The following RORA variants were observed in gnomAD, a reference collection of about 807,000 sequenced individuals.
RORA encodes the protein nuclear receptor ROR-alpha.
RORA carries 7 observed loss-of-function variants against 69.5 expected under a neutral mutation model. The ratio of observed to expected loss-of-function variants is 0.10; its 90% CI spans 0.06 to 0.19. The LOEUF is 0.19. Ranked by LOEUF, RORA falls within the 10% of genes least tolerant of loss-of-function variation. The pLI is 1.00. For synonymous variants in RORA, 261 were observed against 240.8 expected (o/e 1.08, Z -0.78); for missense variants, 457 against 663.0 (o/e 0.69, Z 3.41).
chr15:61,002,321 C>T (rs1894769648), intron 1 of RORA, among the ~76,000 whole-genome samples: 1 of 152,168 alleles, frequency 6.6e-6, no homozygotes, highest in Non-Finnish European at 1.5e-5. Flanking sequence ...ATAAAGCTAC[C>T]TCTGAGTAAC....
intron 1 of RORA, among the ~76,000 whole-genome samples, chr15:60,953,701 T>C (rs2140336381): frequency 6.6e-6 from 1 of 151,498 alleles, no homozygotes; most frequent in Non-Finnish European, 1.5e-5. Context: ...ATGCTCATCA[T>C]CACTGGCCAT....
At chr15:61,089,239 A>T (rs1222203692) in intron 1 of RORA, among the ~76,000 whole-genome samples, 3 of 152,246 alleles carry the variant, frequency 2.0e-5, no homozygotes. Context: ...AGTGAATATG[A>T]GTAAATCCCC....
rs117950329 is a variant in RORA at position 60,890,402 on chromosome 15, A to C, written c.167-211716T>G. On this transcript the variant is annotated intron_variant, in intron 1 of 10. Transcript: ENST00000335670. ...AAATTTTAAATAAGGAAGAAATTGC[A>C]TGCTTGCCATCAAGAGGTGTACCGC... 3.0e-4 allele frequency among the ~76,000 whole-genome samples: 45 copies of C among 152,374 alleles called. 1 individual carries two copies. In the East Asian group the frequency reaches 8.3e-3, roughly 28 times the overall value.
intron 1 of RORA, among the ~76,000 whole-genome samples, chr15:60,707,672 C>T (rs2140803713): frequency 6.6e-6 from 1 of 152,264 alleles, no homozygotes; most frequent in East Asian, 1.9e-4. Context: ...CCACGGTCAT[C>T]TATTTCTTGA....
intron 1 of RORA, among the ~76,000 whole-genome samples, chr15:61,196,396 C>T (rs755879647): frequency 3.9e-5 from 6 of 152,222 alleles, no homozygotes; most frequent in South Asian, 2.1e-4. Context: ...GGAAAAGCCT[C>T]CTTCTCCAGC....
chr15:61,188,392 C>T (rs1596058665), intron 1 of RORA, among the ~76,000 whole-genome samples: 1 of 152,142 alleles, frequency 6.6e-6, no homozygotes, highest in South Asian at 2.1e-4. Flanking sequence ...GACCCACCAA[C>T]GGGGCCTAGT....
chr15:60,773,095 G>C (rs1281189540), intron 1 of RORA, among the ~76,000 whole-genome samples: 2 of 152,138 alleles, frequency 1.3e-5, no homozygotes, highest in Non-Finnish European at 2.9e-5. Flanking sequence ...GCTCTTTATT[G>C]CTTTCTGAAA....
intron 1 of RORA, among the ~76,000 whole-genome samples, chr15:61,149,027 C>T (rs1216569037): frequency 2.0e-5 from 3 of 152,296 alleles, no homozygotes; most frequent in African/African-American, 7.2e-5. Context: ...TTGATGATGC[C>T]TTCTACAAAT....
chr15:60,621,507 G>A (rs1262166415), intron 2 of RORA, among the ~76,000 whole-genome samples: 1 of 152,166 alleles, frequency 6.6e-6, no homozygotes, highest in Non-Finnish European at 1.5e-5. Flanking sequence ...TGCCTTGTTA[G>A]AGCTGGGCTT....
chr15:60,725,607 A>G (rs1379854473), intron 1 of RORA, among the ~76,000 whole-genome samples: 2 of 152,172 alleles, frequency 1.3e-5, no homozygotes, highest in South Asian at 4.1e-4. Context: ...TAAAATATAC[A>G]ATTAAATTAT....
intron 1 of RORA, among the ~76,000 whole-genome samples, chr15:60,800,608 G>C (rs1257881225): frequency 1.3e-5 from 2 of 152,172 alleles, no homozygotes; most frequent in African/African-American, 4.8e-5. Context: ...CCTTATAGCA[G>C]CCTCCTCTTG....
chr15:61,216,809 G>A (rs1286329740), intron 1 of RORA, among the ~76,000 whole-genome samples: 2 of 152,180 alleles, frequency 1.3e-5, no homozygotes, highest in African/African-American at 2.4e-5. Context: ...TAGCTGAACT[G>A]AGGGATTAAT....
chr15:60,918,042 C>G (rs1054456357), intron 1 of RORA, among the ~76,000 whole-genome samples: 1 of 152,208 alleles, frequency 6.6e-6, no homozygotes, highest in African/African-American at 2.4e-5. Context: ...TGTACGTAAC[C>G]TCATCTAATC....
intron 1 of RORA, among the ~76,000 whole-genome samples, chr15:60,741,913 C>A (rs993653832): frequency 2.0e-5 from 3 of 152,158 alleles, no homozygotes; most frequent in Admixed American, 6.5e-5. Flanking sequence ...CCTTGGGAAG[C>A]AACATGCCAC....
At chr15:60,520,228 A>G (rs1454862594) in intron 3 of RORA, 1 of 152,214 alleles carries the variant, frequency 6.6e-6, no homozygotes, top group Non-Finnish European at 1.5e-5. Context: ...CACAAGGAGA[A>G]CTATCAAATA....
At chr15:60,678,522 T>A (rs1165568543) in intron 2 of RORA, 135 bp downstream of exon 2, 2 of 717,506 alleles carry the variant, frequency 2.8e-6, no homozygotes, top group African/African-American at 1.8e-5. Flanking sequence ...CACTACAGAT[T>A]GAAAAAAAAT....
intron 1 of RORA, among the ~76,000 whole-genome samples, chr15:61,018,826 A>G (rs1165260355): frequency 6.6e-6 from 1 of 152,188 alleles, no homozygotes; most frequent in Non-Finnish European, 1.5e-5. Flanking sequence ...CATAAATGGT[A>G]AGGATGTATA....
chr15:60,604,112 G>A lies in RORA; in HGVS notation c.197-72261C>T, dbSNP rs144836236. 3.5e-4 allele frequency among the ~76,000 whole-genome samples: 47 copies of A among 134,898 alleles called. No individual in the cohort carries two copies. In the East Asian group the frequency reaches 8.8e-3, roughly 25 times the overall value. 88.5% of individuals were successfully genotyped at this position (134,898 alleles called of 152,430 possible). A position where few individuals can be genotyped will look rare whatever the true frequency, so the allele number is the denominator to read the frequency against. Reference sequence around the variant, plus strand: ...CGCACCACTGCACTCCAGCCTGGGTGACAGAGCGAGACTCTGTCTCAAAAA... The same window carrying A: ...CGCACCACTGCACTCCAGCCTGGGTAACAGAGCGAGACTCTGTCTCAAAAA... On this transcript the variant is annotated intron_variant, in intron 2 of 10. Coordinates refer to ENST00000335670, the MANE Select transcript of RORA (RefSeq NM_134261.3).
chr15:60,954,924 T>C (rs1893222376), intron 1 of RORA, among the ~76,000 whole-genome samples: 1 of 152,206 alleles, frequency 6.6e-6, no homozygotes. Context: ...ACTCAATACA[T>C]ACTTACTGAG....
Sources: gnomAD v4.1 joint callset for allele counts (sites outside exome capture counted in the v4.1 genomes callset) on GRCh38, gnomAD v4.1.1 for gene constraint, MANE v1.5 for transcripts, NCBI Gene and HGNC (gene_info 2026-07-23, HGNC 2026-07-21) for gene names.